Variants in CSMD1 observed in about 807,000 individuals in gnomAD.
CSMD1 encodes the protein CUB and Sushi multiple domains 1, also known as CUB and sushi domain-containing protein 1.
Under a neutral mutation model 417.5 loss-of-function variants are expected in CSMD1, and 213 were observed. That is an observed-to-expected ratio of 0.51 (90% CI 0.46 to 0.57). The LOEUF (loss-of-function observed/expected upper bound fraction) is 0.57, where lower values mean the gene tolerates loss of function less well. CSMD1 is among the 20% of genes least tolerant of loss of function. The pLI, the probability that CSMD1 is intolerant of heterozygous loss-of-function variation, is 0.00. For missense variants in CSMD1, 6,923 were observed against 4,529.7 expected, an observed-to-expected ratio of 1.53 and a Z score of -15.17; for synonymous variants, 2,862 against 1,736.8, an observed-to-expected ratio of 1.65 and a Z score of -16.11.
At chr8:4,003,989 A>C (rs553191295) in intron 4 of CSMD1, among the ~76,000 whole-genome samples, 1 of 152,336 alleles carries the variant, frequency 6.6e-6, no homozygotes, top group South Asian at 2.1e-4. Context: ...GAGACTCAGA[A>C]AATATATGAT....
At chr8:4,022,050 T>G (rs1289159642) in intron 4 of CSMD1, among the ~76,000 whole-genome samples, 4 of 150,946 alleles carry the variant, frequency 2.6e-5, no homozygotes, top group Admixed American at 2.6e-4. Flanking sequence ...TTTTCATTCT[T>G]TAATATACAG....
intron 2 of CSMD1, among the ~76,000 whole-genome samples, chr8:4,429,880 C>A (rs941334924): frequency 6.6e-6 from 1 of 151,966 alleles, no homozygotes; most frequent in East Asian, 1.9e-4. Context: ...ATGAGGGAAT[C>A]CTCTCCTCCA....
intron 1 of CSMD1, among the ~76,000 whole-genome samples, chr8:4,967,756 TG>T (rs1393622947): frequency 1.3e-5 from 2 of 152,160 alleles, no homozygotes; most frequent in African/African-American, 4.8e-5. Flanking sequence ...ATGAACTTCT[TG>T]TGTCATGTGA....
At chr8:3,182,674 G>GCTGTGT (rs1253193524) in intron 36 of CSMD1, among the ~76,000 whole-genome samples, 3 of 14,456 alleles carry the variant, frequency 2.1e-4, no homozygotes, top group Non-Finnish European at 3.6e-4. Context: ...TCTATAAGAA[G>GCTGTGT]CTGTGTGTGT....
At position 3,253,829 on chromosome 8, in the gene CSMD1, A is replaced by G. The variant is rs376555399; in HGVS notation, c.4154-23598T>C. 3.9e-4 allele frequency among the ~76,000 whole-genome samples: 59 copies of G among 152,112 alleles called. No individual in the cohort carries two copies. The East Asian group carries it at 0.01, about 26-fold the overall frequency. ...CTGTAGGGTCTTGACTCTTTATCCA[A>G]TTTGCCAGTCTGTGTCTTTTAGTTG... On this transcript the variant is annotated intron_variant, in intron 26 of 69. Transcript: ENST00000635120.
At chr8:4,794,337 T>C (rs907331674) in intron 1 of CSMD1, among the ~76,000 whole-genome samples, 8 of 152,250 alleles carry the variant, frequency 5.3e-5, no homozygotes, top group African/African-American at 2.4e-5. Flanking sequence ...TCCTTAGAAA[T>C]GAGTGACTAT....
At chr8:3,036,566 T>G (rs762139104) in intron 50 of CSMD1, among the ~76,000 whole-genome samples, 2 of 152,196 alleles carry the variant, frequency 1.3e-5, no homozygotes, top group Admixed American at 6.5e-5. Flanking sequence ...TAAAGCAAAG[T>G]GTGCAGTCTA....
chr8:3,565,975 C>G (rs1050480698), intron 10 of CSMD1, among the ~76,000 whole-genome samples: 1 of 152,176 alleles, frequency 6.6e-6, no homozygotes, highest in African/African-American at 2.4e-5. Context: ...TCATGCCATT[C>G]CTTTCATCAA....
At chr8:3,292,026 G>A (rs529379588) in intron 25 of CSMD1, among the ~76,000 whole-genome samples, 5 of 151,960 alleles carry the variant, frequency 3.3e-5, no homozygotes, top group African/African-American at 9.7e-5. Flanking sequence ...GGTATGTTGT[G>A]TCTTTGTTCT....
intron 3 of CSMD1, among the ~76,000 whole-genome samples, chr8:4,129,287 G>A (rs763356470): frequency 3.9e-5 from 6 of 151,994 alleles, no homozygotes; most frequent in East Asian, 1.9e-4. Context: ...AACAAAACTA[G>A]CACAGTCATT....
At chr8:3,157,684 C>G (rs1302101218) in intron 39 of CSMD1, among the ~76,000 whole-genome samples, 1 of 152,200 alleles carries the variant, frequency 6.6e-6, no homozygotes, top group Non-Finnish European at 1.5e-5. Flanking sequence ...GCGGGCTGAC[C>G]CAGACACACT....
chr8:4,507,256 T>C, intron 2 of CSMD1, among the ~76,000 whole-genome samples: 1 of 152,206 alleles, frequency 6.6e-6, no homozygotes, highest in East Asian at 1.9e-4. Flanking sequence ...CTCAGTATAT[T>C]ACTTATTTTC....
At chr8:3,038,641 C>A (rs561616986) in intron 50 of CSMD1, among the ~76,000 whole-genome samples, 2 of 152,090 alleles carry the variant, frequency 1.3e-5, no homozygotes, top group African/African-American at 2.4e-5. Context: ...TAACGCTGAA[C>A]TGGGTATTAG....
chr8:4,356,565 G>C (rs1000277024), intron 3 of CSMD1, among the ~76,000 whole-genome samples: 1 of 152,142 alleles, frequency 6.6e-6, no homozygotes, highest in South Asian at 2.1e-4. Flanking sequence ...CATTTTAAAT[G>C]TCTGTTTCAG....
chr8:3,598,936 CTG>C (rs1012448705), intron 8 of CSMD1, among the ~76,000 whole-genome samples: 1 of 152,016 alleles, frequency 6.6e-6, no homozygotes, highest in Non-Finnish European at 1.5e-5. Flanking sequence ...CAAAAATTAA[CTG>C]GGCATGGTGG....
At chr8:4,954,336 G>C (rs1039112112) in intron 1 of CSMD1, among the ~76,000 whole-genome samples, 2 of 152,136 alleles carry the variant, frequency 1.3e-5, no homozygotes, top group Non-Finnish European at 2.9e-5. Context: ...ATTTAAAAAG[G>C]TGATATTTCC....
At chr8:4,120,146 T>A (rs1188936021) in intron 3 of CSMD1, among the ~76,000 whole-genome samples, 2 of 152,190 alleles carry the variant, frequency 1.3e-5, no homozygotes, top group African/African-American at 4.8e-5. Context: ...CGCATGCCTG[T>A]ATCAAAACAT....
intron 3 of CSMD1, among the ~76,000 whole-genome samples, chr8:4,203,568 C>G (rs771436033): frequency 3.3e-5 from 5 of 152,080 alleles, no homozygotes; most frequent in Non-Finnish European, 7.4e-5. Flanking sequence ...ATTTGGAAGT[C>G]AGTGTAGCTG....
chr8:3,569,385 T>C (rs1272937332), intron 10 of CSMD1, among the ~76,000 whole-genome samples: 3 of 152,204 alleles, frequency 2.0e-5, no homozygotes, highest in Non-Finnish European at 4.4e-5. Context: ...AGCACTTGGT[T>C]ATACAACAGT....
Sources: allele counts gnomAD v4.1 joint callset (sites outside exome capture counted in the v4.1 genomes callset), GRCh38; gene constraint gnomAD v4.1.1; transcripts MANE v1.5; gene names NCBI Gene and HGNC (gene_info 2026-07-23, HGNC 2026-07-21).